Variants in IMMP2L observed in about 807,000 individuals in gnomAD.
IMMP2L encodes the protein mitochondrial inner membrane protease subunit 2.
A neutral mutation model predicts 19.3 loss-of-function variants in IMMP2L; 18 were observed. That is an observed-to-expected ratio of 0.93 (90% CI 0.64 to 1.38). The LOEUF is 1.38. Among genes scored for constraint, IMMP2L ranks in the 40% most tolerant of loss-of-function variants. The pLI is 0.00. For synonymous variants in IMMP2L, 76 were observed against 73.0 expected, an observed-to-expected ratio of 1.04 and a Z score of -0.21; for missense variants, 233 against 218.2, an observed-to-expected ratio of 1.07 and a Z score of -0.43.
intron 4 of IMMP2L, among the ~76,000 whole-genome samples, chr7:110,950,858 A>ATGTATG (rs1554470739): frequency 7.3e-5 from 10 of 136,298 alleles, no homozygotes; most frequent in African/African-American, 2.9e-4. Flanking sequence ...ATATATATAT[A>ATGTATG]TATATATATA....
intron 3 of IMMP2L, among the ~76,000 whole-genome samples, chr7:111,289,804 G>A (rs1820890961): frequency 6.6e-6 from 1 of 151,720 alleles, no homozygotes; most frequent in South Asian, 2.1e-4. Flanking sequence ...TCCAGCCTCA[G>A]TATACCTACT....
chr7:110,898,837 G>C (rs1811581430), intron 4 of IMMP2L, among the ~76,000 whole-genome samples: 1 of 144,366 alleles, frequency 6.9e-6, no homozygotes, highest in Non-Finnish European at 1.5e-5. Context: ...AAAGAACTTA[G>C]CAACCAATCT....
intron 1 of IMMP2L, among the ~76,000 whole-genome samples, chr7:111,524,454 T>C (rs1267451785): frequency 1.3e-5 from 2 of 152,000 alleles, no homozygotes; most frequent in Admixed American, 6.6e-5. Flanking sequence ...TCTACACTTA[T>C]GTTTAAGTCA....
intron 3 of IMMP2L, among the ~76,000 whole-genome samples, chr7:111,410,824 T>C (rs544620512): frequency 2.0e-5 from 3 of 151,650 alleles, no homozygotes; most frequent in African/African-American, 4.9e-5. Context: ...GCTGGAAACA[T>C]AGCAACATAA....
At chr7:111,250,731 T>C (rs1160683748) in intron 3 of IMMP2L, among the ~76,000 whole-genome samples, 1 of 152,160 alleles carries the variant, frequency 6.6e-6, no homozygotes, top group Non-Finnish European at 1.5e-5. Flanking sequence ...ACCCCTTCCT[T>C]ATACCTTATA....
At chr7:111,231,024 C>CTGTG (rs60629485) in intron 3 of IMMP2L, among the ~76,000 whole-genome samples, 72,270 of 146,814 alleles carry the variant, frequency 0.49, 17,752 homozygotes, top group Non-Finnish European at 0.54. Flanking sequence ...TAAGTAGTGG[C>CTGTG]TGTGTGTGTG....
chr7:111,089,419 C>T (rs1392119480), intron 3 of IMMP2L, among the ~76,000 whole-genome samples: 1 of 151,902 alleles, frequency 6.6e-6, no homozygotes, highest in African/African-American at 2.4e-5. Context: ...TCTCTTTTTA[C>T]AAATAATTAT....
chr7:110,793,492 C>G (rs1214126286), intron 5 of IMMP2L, among the ~76,000 whole-genome samples: 3 of 152,006 alleles, frequency 2.0e-5, no homozygotes, highest in Non-Finnish European at 4.4e-5. Flanking sequence ...AACACCATCT[C>G]ATCCCCAAAA....
chr7:111,181,769 C>A (rs766071920), intron 3 of IMMP2L, among the ~76,000 whole-genome samples: 2 of 151,914 alleles, frequency 1.3e-5, no homozygotes, highest in Non-Finnish European at 2.9e-5. Flanking sequence ...CTATTTTCAA[C>A]GGCATGATAA....
chr7:110,980,534 T>G (rs746093882), intron 3 of IMMP2L, among the ~76,000 whole-genome samples: 1 of 152,286 alleles, frequency 6.6e-6, no homozygotes, highest in South Asian at 2.1e-4. Context: ...CTTCATCTTA[T>G]CACCTTTCTA....
intron 3 of IMMP2L, among the ~76,000 whole-genome samples, chr7:111,025,192 A>G (rs1237936484): frequency 6.6e-6 from 1 of 152,194 alleles, no homozygotes; most frequent in Non-Finnish European, 1.5e-5. Flanking sequence ...TCAGGGGCCT[A>G]TACGCACCAG....
chr7:111,526,189 T>C (rs1225032003), intron 1 of IMMP2L, among the ~76,000 whole-genome samples: 1 of 152,210 alleles, frequency 6.6e-6, no homozygotes, highest in African/African-American at 2.4e-5. Context: ...CAATGCTAAG[T>C]ACAGAGGATA....
At chr7:111,296,222 A>C (rs1464289543) in intron 3 of IMMP2L, among the ~76,000 whole-genome samples, 1 of 151,940 alleles carries the variant, frequency 6.6e-6, no homozygotes, top group Non-Finnish European at 1.5e-5. Flanking sequence ...AATAATCTGA[A>C]CAGATACTTC....
intron 5 of IMMP2L, among the ~76,000 whole-genome samples, chr7:110,746,058 T>C (rs969848876): frequency 6.6e-6 from 1 of 151,842 alleles, no homozygotes; most frequent in Non-Finnish European, 1.5e-5. Context: ...TGGAGGAATA[T>C]TTACCAAGCA....
At chr7:111,493,527 C>T (rs1447537597) in intron 2 of IMMP2L, among the ~76,000 whole-genome samples, 2 of 151,014 alleles carry the variant, frequency 1.3e-5, no homozygotes, top group Non-Finnish European at 1.5e-5. Context: ...ACGGTGAAAC[C>T]CCGTCTCTAC....
intron 3 of IMMP2L, among the ~76,000 whole-genome samples, chr7:111,259,028 C>A (rs1487656873): frequency 6.6e-6 from 1 of 152,028 alleles, no homozygotes; most frequent in Non-Finnish European, 1.5e-5. Flanking sequence ...AGGCTACAAA[C>A]CTGTACAACA....
intron 1 of IMMP2L, among the ~76,000 whole-genome samples, chr7:111,547,246 G>C (rs936076639): frequency 3.3e-5 from 5 of 152,120 alleles, no homozygotes; most frequent in African/African-American, 1.2e-4. Context: ...CTATGGAATA[G>C]AATGCTACAG....
chr7:110,867,670 G>C (rs2129543478), intron 5 of IMMP2L, among the ~76,000 whole-genome samples: 1 of 151,770 alleles, frequency 6.6e-6, no homozygotes, highest in African/African-American at 2.4e-5. Flanking sequence ...CTCATCTCTA[G>C]ATTTCACCTT....
chr7:111,052,735 G>C (rs142323006), intron 3 of IMMP2L, among the ~76,000 whole-genome samples: 1 of 152,256 alleles, frequency 6.6e-6, no homozygotes, highest in African/African-American at 2.4e-5. Flanking sequence ...GTTTTATAGA[G>C]TTTGACTTTT....
Sources: gnomAD v4.1 joint callset for allele counts (sites outside exome capture counted in the v4.1 genomes callset) on GRCh38, gnomAD v4.1.1 for gene constraint, MANE v1.5 for transcripts, NCBI Gene and HGNC (gene_info 2026-07-23, HGNC 2026-07-21) for gene names.